FGF5: variants seen among roughly 807,000 people sequenced by gnomAD.
FGF5 encodes heparin-binding growth factor 5.
In FGF5, 23 loss-of-function variants were observed where a neutral mutation model predicts 21.8. The ratio of observed to expected loss-of-function variants is 1.05; its 90% confidence interval spans 0.76 to 1.49. The LOEUF (loss-of-function observed/expected upper bound fraction) is 1.49. Among genes scored for constraint, FGF5 ranks in the 40% most tolerant of loss-of-function variants. FGF5 has a pLI of 0.00. For missense variants in FGF5, 352 were observed against 332.9 expected, an observed-to-expected ratio of 1.06 and a Z score of -0.45; for synonymous variants, 158 against 124.0, an observed-to-expected ratio of 1.27 and a Z score of -1.82.
In FGF5 at chr4:80,267,115, C is replaced by T. The variant is rs148557449; in HGVS notation, c.291C>T (p.Ile97=). 6.2e-7 allele frequency: 1 copy of T among 1,613,932 alleles called. No homozygotes were observed. Among genetic ancestry groups the T allele is most frequent in the African/African-American group, 1.3e-5 (1 of 75,008 alleles). The part of the protein sequence containing the change: ...RTGSLYCRVG[I]GFHLQIYPDG... ...GCAGCCTCTACTGCAGAGTGGGCAT[C>T]GGTTTCCATCTGCAGATCTACCCGG... The change falls in exon 1 of 3, where the codon ATC becomes ATT. Residue 97 remains isoleucine (I), a synonymous_variant. Transcript: ENST00000312465.
chr4:80,286,669 A>G lies in FGF5; in HGVS notation c.804A>G (p.Gly268=). The part of the protein sequence containing the change: ...SVKYRLKFRF[G] Reference sequence around the variant, plus strand: ...AATACAGACTCAAGTTTCGCTTTGGATAATATTCCTCTTGGCCTTGTGAGA... The same window carrying G: ...AATACAGACTCAAGTTTCGCTTTGGGTAATATTCCTCTTGGCCTTGTGAGA... The change falls in exon 3 of 3, where the codon GGA becomes GGG. Residue 268 remains glycine, a synonymous_variant. Coordinates refer to ENST00000312465, the MANE Select transcript of FGF5 (RefSeq NM_004464.4). 1 of 1,611,474 alleles carries G rather than the reference A, an allele frequency of 6.2e-7. No homozygotes were observed. The highest frequency in any genetic ancestry group is 8.5e-7 in the Non-Finnish European group (1 of 1,177,998).
intron 1 of FGF5, among the ~76,000 whole-genome samples, chr4:80,269,866 G>T (rs185722878): frequency 6.6e-6 from 1 of 152,070 alleles, no homozygotes; most frequent in Admixed American, 6.5e-5. Flanking sequence ...TATCTGGAGT[G>T]TCTAATACTA....
chr4:80,268,403 G>A (rs566036020), intron 1 of FGF5: 1 of 780,156 alleles, frequency 1.3e-6, no homozygotes, highest in South Asian at 5.8e-5. Flanking sequence ...TTCAGTGTCA[G>A]CCTGGTTGCT....
chr4:80,286,761 C>G lies in FGF5; in HGVS notation c.*89C>G. 1 of 913,546 alleles carries G rather than the reference C, an allele frequency of 1.1e-6. No individual in the cohort carries two copies. Among genetic ancestry groups the G allele is most frequent in the Non-Finnish European group, 1.7e-6 (1 of 595,652 alleles). 56.6% of individuals were successfully genotyped at this position (913,546 alleles called of 1,614,324 possible). On this transcript the variant is annotated 3_prime_UTR_variant, in exon 3 of 3. Coordinates refer to ENST00000312465, the MANE Select transcript of FGF5 (RefSeq NM_004464.4). ...AGTTCTGAAGAAAAATTACTGGACA[C>G]AGCTTCAGCTATACTTACACTGTAT... is the stretch of plus-strand genomic sequence containing the variant.
intron 2 of FGF5, among the ~76,000 whole-genome samples, chr4:80,277,316 G>A (rs1560499808): frequency 6.6e-6 from 1 of 152,116 alleles, no homozygotes; most frequent in Non-Finnish European, 1.5e-5. Context: ...AAGTCATTCT[G>A]ATGACTTTGA....
In FGF5 at chr4:80,290,429, C is replaced by T. The variant is rs1348724133; in HGVS notation, c.*3757C>T. ...AGCAGAGACAAAGAGTTACCTCCTCCATCTTACTCTGCCCTATTTGAAAGT... is the reference window on the plus strand; with the variant it reads ...AGCAGAGACAAAGAGTTACCTCCTCTATCTTACTCTGCCCTATTTGAAAGT... On this transcript the variant is annotated 3_prime_UTR_variant, in exon 3 of 3. Coordinates refer to ENST00000312465, the MANE Select transcript of FGF5 (RefSeq NM_004464.4). 2.0e-5 allele frequency: 3 copies of T among 152,148 alleles called. No individual in the cohort carries two copies. Among genetic ancestry groups the T allele is most frequent in the Non-Finnish European group, 4.4e-5 (3 of 68,042 alleles). 9.4% of individuals were successfully genotyped at this position (152,148 alleles called of 1,614,324 possible).
chr4:80,278,150 T>C (rs189044913), intron 2 of FGF5, among the ~76,000 whole-genome samples: 2 of 152,258 alleles, frequency 1.3e-5, no homozygotes, highest in East Asian at 1.9e-4. Flanking sequence ...TTGGAATCAA[T>C]TACATTGTTT....
chr4:80,290,090 A>T lies in FGF5; in HGVS notation c.*3418A>T, dbSNP rs1005690549. 5.9e-5 allele frequency: 9 copies of T among 152,110 alleles called. No homozygotes were observed. Among genetic ancestry groups the T allele is most frequent in the Non-Finnish European group, 1.0e-4 (7 of 67,998 alleles). The allele number at this position is 152,110 out of a possible 1,614,324, so 9.4% of individuals were successfully genotyped here. On this transcript the variant is annotated 3_prime_UTR_variant, in exon 3 of 3. Coordinates refer to ENST00000312465, the MANE Select transcript of FGF5 (RefSeq NM_004464.4). ...ATAACAAAACGAAACTATGGCACTA[A>T]CCAAAAACTTGCATTCTGGCATAAT...
intron 2 of FGF5, among the ~76,000 whole-genome samples, chr4:80,281,440 ATTAT>A (rs773334953): frequency 6.6e-6 from 1 of 152,178 alleles, no homozygotes; most frequent in Non-Finnish European, 1.5e-5. Flanking sequence ...CAACATTTTG[ATTAT>A]TTATATTTGG....
At chr4:80,276,999 A>G (rs913270608) in intron 2 of FGF5, among the ~76,000 whole-genome samples, 1 of 152,130 alleles carries the variant, frequency 6.6e-6, no homozygotes, top group Non-Finnish European at 1.5e-5. Context: ...CAAAAAAAAT[A>G]GACTAAACTT....
rs1421629214 is a variant in FGF5 at position 80,289,847 on chromosome 4, T to C, written c.*3175T>C. The C allele has an allele frequency of 6.6e-6, 1 of 152,186 alleles. No homozygotes were observed. Among genetic ancestry groups the C allele is most frequent in the Non-Finnish European group, 1.5e-5 (1 of 68,016 alleles). 9.4% of individuals were successfully genotyped at this position (152,186 alleles called of 1,614,324 possible). Reference sequence around the variant, plus strand: ...GACAGAAGTTATTTCCAAGTTTGTGTATATATTATAAAAATTACATATATA... The same window carrying C: ...GACAGAAGTTATTTCCAAGTTTGTGCATATATTATAAAAATTACATATATA... On this transcript the variant is annotated 3_prime_UTR_variant, in exon 3 of 3. Transcript: ENST00000312465.
chr4:80,275,873 AG>A (rs1158438288), intron 2 of FGF5, among the ~76,000 whole-genome samples: 10 of 152,192 alleles, frequency 6.6e-5, no homozygotes, highest in African/African-American at 2.4e-4. Flanking sequence ...CTTTAAAGTT[AG>A]TCCTTTAATC....
At chr4:80,281,268 G>C (rs550171225) in intron 2 of FGF5, among the ~76,000 whole-genome samples, 2 of 152,250 alleles carry the variant, frequency 1.3e-5, no homozygotes, top group African/African-American at 4.8e-5. Flanking sequence ...AGCTCCATTG[G>C]TGGAGGGAAG....
chr4:80,281,869 A>G (rs1305362218), intron 2 of FGF5, among the ~76,000 whole-genome samples: 1 of 152,200 alleles, frequency 6.6e-6, no homozygotes, highest in Middle Eastern at 3.2e-3. Context: ...CTTTCTTTGA[A>G]TTCAATTTGA....
intron 2 of FGF5, among the ~76,000 whole-genome samples, chr4:80,284,506 C>T (rs1346513037): frequency 6.6e-6 from 1 of 152,156 alleles, no homozygotes; most frequent in Non-Finnish European, 1.5e-5. Context: ...TTGCCTTCAG[C>T]CTGCTCGAGA....
rs557097259 is a variant in FGF5 at position 80,276,280 on chromosome 4, A to T, written c.459+1268A>T. On this transcript the variant is annotated intron_variant, in intron 2 of 2. Coordinates refer to ENST00000312465, the MANE Select transcript of FGF5 (RefSeq NM_004464.4). The stretch of plus-strand genomic sequence containing the variant: ...AAATATAATAAATTACTAAAATTTC[A>T]GTTTACTAACATAAATGGAAATCCT... 2.0e-5 allele frequency among the ~76,000 whole-genome samples: 3 copies of T among 152,162 alleles called. No homozygotes were observed. The South Asian group carries it at 6.2e-4, about 31-fold the overall frequency.
intron 2 of FGF5, among the ~76,000 whole-genome samples, chr4:80,279,089 C>T (rs1179408638): frequency 6.6e-6 from 1 of 152,132 alleles, no homozygotes; most frequent in Admixed American, 6.6e-5. Flanking sequence ...CCTAGAGAGC[C>T]TTTCTGGATT....
intron 1 of FGF5, 98 bp downstream of exon 1, chr4:80,267,277 A>G (rs1720124361): frequency 1.0e-6 from 1 of 996,502 alleles, no homozygotes; most frequent in Admixed American, 2.7e-5. Flanking sequence ...CACCTTCCTG[A>G]GCCCAGGCCA....
rs932667642 is a variant in FGF5, at chr4:80,288,682, A to T, written c.*2010A>T. On this transcript the variant is annotated 3_prime_UTR_variant, in exon 3 of 3. Transcript: ENST00000312465. ...GGGCACATGAAAAATTTTAGCTGCC[A>T]AACAGGAACTAGTAAACATATGTTC... 1 of 152,600 alleles carries T rather than the reference A, an allele frequency of 6.6e-6. No individual in the cohort carries two copies. Among genetic ancestry groups the T allele is most frequent in the African/African-American group, 2.4e-5 (1 of 41,452 alleles). 9.5% of individuals were successfully genotyped at this position (152,600 alleles called of 1,614,324 possible). A position where few individuals can be genotyped will look rare whatever the true frequency, so the allele number is the denominator to read the frequency against.
Sources: gnomAD v4.1 joint callset for allele counts (sites outside exome capture counted in the v4.1 genomes callset) on GRCh38, gnomAD v4.1.1 for gene constraint, MANE v1.5 for transcripts, NCBI Gene and HGNC (gene_info 2026-07-23, HGNC 2026-07-21) for gene names.